MAGI2: variants seen among roughly 807,000 people sequenced by gnomAD.
MAGI2 encodes membrane-associated guanylate kinase, WW and PDZ domain-containing protein 2.
Under a neutral mutation model 133.3 loss-of-function variants are expected in MAGI2, and 35 were observed. That is an observed-to-expected ratio of 0.26 (90% CI 0.20 to 0.35). The LOEUF (loss-of-function observed/expected upper bound fraction) is 0.35. MAGI2 is among the 10% of genes least tolerant of loss of function. The pLI is 1.00. For synonymous variants in MAGI2, 729 were observed against 710.6 expected, an observed-to-expected ratio of 1.03 and a Z score of -0.41; for missense variants, 1,636 against 1,863.4, an observed-to-expected ratio of 0.88 and a Z score of 2.25.
intron 3 of MAGI2, among the ~76,000 whole-genome samples, chr7:78,536,884 T>C: frequency 6.6e-6 from 1 of 151,778 alleles, no homozygotes; most frequent in Non-Finnish European, 1.5e-5. Context: ...TTAGTGGTAA[T>C]TTCTGAGATT....
intron 10 of MAGI2, among the ~76,000 whole-genome samples, chr7:78,210,258 A>G (rs908309288): frequency 1.3e-5 from 2 of 152,202 alleles, no homozygotes; most frequent in Non-Finnish European, 2.9e-5. Context: ...CACACAGTGG[A>G]TACTTCAGTA....
At chr7:78,168,723 T>C (rs979721620) in intron 14 of MAGI2, among the ~76,000 whole-genome samples, 3 of 152,216 alleles carry the variant, frequency 2.0e-5, no homozygotes, top group African/African-American at 7.2e-5. Context: ...ATTTAACTTT[T>C]TTCACGGCAC....
intron 1 of MAGI2, among the ~76,000 whole-genome samples, chr7:79,428,516 A>G (rs745851199): frequency 1.6e-4 from 24 of 152,216 alleles, no homozygotes; most frequent in Non-Finnish European, 2.6e-4. Flanking sequence ...GCTTTGGACT[A>G]TGATTATTCA....
At position 79,061,310 on chromosome 7, in the gene MAGI2, C is replaced by CT. The variant is rs887870478; in HGVS notation, c.302-54105dup. Among the ~76,000 whole-genome samples, 53 of 150,662 alleles carry CT rather than the reference C, an allele frequency of 3.5e-4. No homozygotes were observed. The East Asian group carries it at 6.6e-3, about 19-fold the overall frequency. The stretch of plus-strand genomic sequence containing the variant: ...AAGGACTGTTAGAAAAAAAAAAAGC[C>CT]TTTTTTTTTCTCGGGCCTTTCATTA... On this transcript the variant is annotated intron_variant, in intron 1 of 21. Coordinates refer to ENST00000354212, the MANE Select transcript of MAGI2 (RefSeq NM_012301.4).
At chr7:78,288,908 C>G (rs1395001302) in intron 9 of MAGI2, among the ~76,000 whole-genome samples, 1 of 151,942 alleles carries the variant, frequency 6.6e-6, no homozygotes, top group African/African-American at 2.4e-5. Flanking sequence ...AGAAGGAAAA[C>G]TAACAAACAG....
intron 21 of MAGI2, among the ~76,000 whole-genome samples, chr7:78,073,737 A>G (rs1192338917): frequency 1.3e-5 from 2 of 152,222 alleles, no homozygotes; most frequent in African/African-American, 2.4e-5. Context: ...GGAAGCCTGC[A>G]TTTCAAGGCA....
chr7:78,684,667 G>GGAAT (rs1816076679), intron 2 of MAGI2, among the ~76,000 whole-genome samples: 1 of 151,964 alleles, frequency 6.6e-6, no homozygotes, highest in African/African-American at 2.4e-5. Flanking sequence ...GCTGAGGAAT[G>GGAAT]GAATGAAAAT....
intron 2 of MAGI2, among the ~76,000 whole-genome samples, chr7:78,993,635 G>T (rs908629805): frequency 2.0e-5 from 3 of 151,870 alleles, no homozygotes; most frequent in African/African-American, 4.8e-5. Flanking sequence ...TGGTGGGGCA[G>T]TTCTGTATTG....
At chr7:78,074,612 C>T (rs1027099039) in intron 21 of MAGI2, among the ~76,000 whole-genome samples, 2 of 152,132 alleles carry the variant, frequency 1.3e-5, no homozygotes, top group East Asian at 3.8e-4. Context: ...TCCATTAGCA[C>T]TTTCTTTTGT....
chr7:79,294,721 C>CTGT (rs1836778439), intron 1 of MAGI2, among the ~76,000 whole-genome samples: 1 of 83,166 alleles, frequency 1.2e-5, no homozygotes, highest in Non-Finnish European at 2.1e-5. Flanking sequence ...ATTTTGGTAG[C>CTGT]TTTTTTTTTT....
At chr7:78,131,352 A>G (rs1334632262) in intron 18 of MAGI2, among the ~76,000 whole-genome samples, 1 of 152,242 alleles carries the variant, frequency 6.6e-6, no homozygotes, top group East Asian at 1.9e-4. Context: ...TTACTTTTCT[A>G]TGAAAGCAAA....
At chr7:78,806,144 G>C (rs1788560084) in intron 2 of MAGI2, among the ~76,000 whole-genome samples, 1 of 152,086 alleles carries the variant, frequency 6.6e-6, no homozygotes, top group Non-Finnish European at 1.5e-5. Context: ...CAGTATAAGT[G>C]ATACTGCTTA....
chr7:78,400,986 T>C (rs1166120198), intron 6 of MAGI2, among the ~76,000 whole-genome samples: 1 of 152,142 alleles, frequency 6.6e-6, no homozygotes, highest in African/African-American at 2.4e-5. Flanking sequence ...TTCCTTTCTC[T>C]GTGTATTTAC....
At chr7:78,449,014 A>G (rs1447993033) in intron 6 of MAGI2, among the ~76,000 whole-genome samples, 2 of 152,046 alleles carry the variant, frequency 1.3e-5, no homozygotes, top group Non-Finnish European at 2.9e-5. Context: ...TGGCTTAAAA[A>G]CAGTCACTCA....
chr7:78,272,768 C>CT (rs989822941), intron 9 of MAGI2, among the ~76,000 whole-genome samples: 8 of 151,936 alleles, frequency 5.3e-5, no homozygotes, highest in Admixed American at 4.6e-4. Flanking sequence ...GCAACCCCTG[C>CT]TTTTTTTTGC....
intron 4 of MAGI2, among the ~76,000 whole-genome samples, chr7:78,513,804 G>C (rs1397706177): frequency 6.6e-6 from 1 of 152,030 alleles, no homozygotes; most frequent in Non-Finnish European, 1.5e-5. Flanking sequence ...AAGAAATGAA[G>C]AGGGCCGGGT....
chr7:78,050,194 A>T (rs1217601161), intron 21 of MAGI2, among the ~76,000 whole-genome samples: 1 of 152,198 alleles, frequency 6.6e-6, no homozygotes, highest in African/African-American at 2.4e-5. Flanking sequence ...ATTAAGTGTT[A>T]CATCTGTGTT....
intron 2 of MAGI2, among the ~76,000 whole-genome samples, chr7:78,748,141 C>A (rs1318910146): frequency 7.7e-6 from 1 of 130,348 alleles, no homozygotes; most frequent in Non-Finnish European, 1.6e-5. Context: ...TTTGAAAATA[C>A]TTTTACCTTG....
intron 6 of MAGI2, among the ~76,000 whole-genome samples, chr7:78,481,228 TG>T (rs1248891566): frequency 6.6e-6 from 1 of 151,932 alleles, no homozygotes; most frequent in Non-Finnish European, 1.5e-5. Flanking sequence ...GACTCACAGT[TG>T]TACATGGCTG....
Sources: allele counts gnomAD v4.1 joint callset (sites outside exome capture counted in the v4.1 genomes callset), GRCh38; gene constraint gnomAD v4.1.1; transcripts MANE v1.5; gene names NCBI Gene and HGNC (gene_info 2026-07-23, HGNC 2026-07-21).